ERMARD: variants seen among roughly 807,000 people sequenced by gnomAD.
ERMARD encodes the protein ER membrane associated RNA degradation.
A neutral mutation model predicts 83.9 loss-of-function variants in ERMARD; 71 were observed. The ratio of observed to expected loss-of-function variants is 0.85; its 90% CI spans 0.70 to 1.03. The LOEUF is 1.03. ERMARD is among the 50% of genes least tolerant of loss of function. The pLI is 0.00. For missense variants in ERMARD, 838 were observed against 810.9 expected (o/e 1.03, Z -0.41); for synonymous variants, 284 against 298.6 (o/e 0.95, Z 0.50).
chr6:169,754,802 C>A (rs941353814), intron 2 of ERMARD, among the ~76,000 whole-genome samples: 3 of 151,736 alleles, frequency 2.0e-5, no homozygotes, highest in Non-Finnish European at 4.4e-5. Context: ...CCAAACTTAT[C>A]AAAAAAAATT....
At chr6:169,761,872 G>A (rs551946974) in intron 8 of ERMARD, among the ~76,000 whole-genome samples, 8 of 152,082 alleles carry the variant, frequency 5.3e-5, no homozygotes, top group East Asian at 3.9e-4. Context: ...TAGTAGAGAC[G>A]GGGTTTCGTC....
rs930515684 is a variant in ERMARD at position 169,775,297 on chromosome 6, G to A, written c.1345G>A (p.Val449Ile). 3.7e-6 allele frequency: 6 copies of A among 1,614,120 alleles called. No individual in the cohort carries two copies. The South Asian group carries it at 5.5e-5, about 15-fold the overall frequency. Residue 449 changes from valine (V) to isoleucine (I), a missense_variant, in exon 14 of 18, where the codon GTT (valine) becomes ATT (isoleucine). Transcript: ENST00000366773. ...GCTGAGCTGTGAGGAGAGCATCAGG[G>A]TTTGGGCTCTGCTGCCTTTCCCCGA... ...QVLSCEESIR[V>I]WALLPFPEEL...
upstream of ERMARD, chr6:169,751,467 G>A (rs1056328289): frequency 1.4e-5 from 23 of 1,613,294 alleles, no homozygotes; most frequent in Non-Finnish European, 1.9e-5. Flanking sequence ...ATCTCGCTCT[G>A]TTCTCCAAGA....
At chr6:169,776,362 G>A in intron 15 of ERMARD, 93 bp from the exon 16 acceptor site, 1 of 1,556,960 alleles carries the variant, frequency 6.4e-7, no homozygotes, top group South Asian at 1.2e-5. Context: ...GCTAGCCCTG[G>A]CTCCCAGAAA....
rs780956352 is a variant in ERMARD, at chr6:169,781,525, T to C, written c.*12T>C. ...AAGTACTCTTATGAAAACTTGTAAG[T>C]CAGGATGCTTTTAATTTTAACAGAT... is the stretch of plus-strand genomic sequence containing the variant. On this transcript the variant is annotated 3_prime_UTR_variant, in exon 18 of 18. Transcript: ENST00000366773. The C allele has an allele frequency of 1.3e-6, 2 of 1,575,870 alleles. No individual in the cohort carries two copies. The highest frequency in any genetic ancestry group is 1.2e-5 in the South Asian group (1 of 84,620).
chr6:169,751,681 C>T lies in ERMARD; in HGVS notation c.6+18C>T, dbSNP rs369889824. 6.6e-5 allele frequency: 102 copies of T among 1,550,072 alleles called. No individual in the cohort carries two copies. The African/African-American group carries it at 9.8e-4, about 15-fold the overall frequency. On this transcript the variant is annotated intron_variant, in intron 1 of 17. Coordinates refer to ENST00000366773, the MANE Select transcript of ERMARD (RefSeq NM_018341.3). ...TTATGGAGGTAGGGCGGGTGTAGGG[C>T]CCGGTTCGATCCCGAGCTAGGCAGG... is the stretch of plus-strand genomic sequence containing the variant.
chr6:169,774,159 C>A (rs910601380), intron 13 of ERMARD, among the ~76,000 whole-genome samples: 5 of 152,186 alleles, frequency 3.3e-5, no homozygotes, highest in African/African-American at 1.2e-4. Flanking sequence ...CACAGTGAAA[C>A]CCCATCTCTA....
rs142757016 is a variant in ERMARD at position 169,765,144 on chromosome 6, G to A, written c.961-1494G>A. 9.4e-3 allele frequency among the ~76,000 whole-genome samples: 1,428 copies of A among 152,332 alleles called. 17 individuals carry two copies. The highest frequency in any genetic ancestry group is 0.032 in the African/African-American group (1,328 of 41,584). ...ATACCTGCATGGGGATTGGCTGCAC[G>A]GTGGCACGCACCATCACTGTAGGGC... On this transcript the variant is annotated intron_variant, in intron 9 of 17. Transcript: ENST00000366773.
At chr6:169,760,052 C>T (rs1791337914) in intron 7 of ERMARD, 78 bp downstream of exon 7, 7 of 1,588,708 alleles carry the variant, frequency 4.4e-6, no homozygotes, top group Admixed American at 1.7e-5. Context: ...TTAAGAGGTG[C>T]ACTCTTGAGG....
chr6:169,760,028 GTCAGTAAACAGCAT>G, intron 7 of ERMARD, 54 bp downstream of exon 7: 1 of 1,609,058 alleles, frequency 6.2e-7, no homozygotes, highest in South Asian at 1.1e-5. Flanking sequence ...TATTTGCAAA[GTCAGTAAACAGCAT>G]TAAGAGGTGC....
chr6:169,769,973 T>C (rs1448730060), intron 12 of ERMARD, among the ~76,000 whole-genome samples: 6 of 152,162 alleles, frequency 3.9e-5, no homozygotes, highest in East Asian at 1.9e-4. Context: ...CAGCTAAGTA[T>C]TGAAAAGGAA....
In ERMARD at chr6:169,769,680, A is replaced by T. The variant is rs139634957; in HGVS notation, c.1200A>T (p.Arg400Ser). ...CATTTTCTCTTGTACTGCTACTCAG[A>T]TTCGTTGATGACTGTCTGCTATCAG... Reference protein sequence around the residue: ...LLAFSLVLLLRFVDDCLLSVF... With the variant: ...LLAFSLVLLLSFVDDCLLSVF... The change falls in exon 12 of 18, where the codon AGA becomes AGT. Residue 400 changes from arginine (R) to serine (S), a missense_variant. Coordinates refer to ENST00000366773, the MANE Select transcript of ERMARD (RefSeq NM_018341.3). 349 of 1,609,984 alleles carry T rather than the reference A, an allele frequency of 2.2e-4. No individual in the cohort carries two copies. Among genetic ancestry groups the T allele is most frequent in the Non-Finnish European group, 2.7e-4 (313 of 1,178,330 alleles).
upstream of ERMARD, chr6:169,751,445 C>CCTCGCTTCTCCAT: frequency 6.2e-7 from 1 of 1,614,052 alleles, no homozygotes; most frequent in Non-Finnish European, 8.5e-7. Context: ...CACGCCTCGG[C>CCTCGCTTCTCCAT]CTCGCTTCTC....
intron 8 of ERMARD, among the ~76,000 whole-genome samples, chr6:169,761,865 T>C (rs1329732439): frequency 1.3e-5 from 2 of 152,030 alleles, no homozygotes; most frequent in African/African-American, 4.8e-5. Context: ...GTATTTTTAG[T>C]AGAGACGGGG....
At chr6:169,761,263 C>G (rs2128346981) in intron 8 of ERMARD, among the ~76,000 whole-genome samples, 1 of 152,354 alleles carries the variant, frequency 6.6e-6, no homozygotes, top group South Asian at 2.1e-4. Context: ...GTCCTCCAGG[C>G]TGAAGTGCAT....
In ERMARD at chr6:169,761,972, T is replaced by G. The variant is rs186040720; in HGVS notation, c.858-457T>G. Reference sequence around the variant, plus strand: ...TGCTGGGATTACAGGCTTGAGCCACTGCGCCCAGCTGGTTCTGTTTTGCTT... The same window carrying G: ...TGCTGGGATTACAGGCTTGAGCCACGGCGCCCAGCTGGTTCTGTTTTGCTT... On this transcript the variant is annotated intron_variant, in intron 8 of 17. Transcript: ENST00000366773. 7.2e-3 allele frequency among the ~76,000 whole-genome samples: 1,098 copies of G among 152,260 alleles called. 6 individuals carry two copies. Among genetic ancestry groups the G allele is most frequent in the Non-Finnish European group, 0.013 (863 of 68,000 alleles).
chr6:169,774,003 C>G (rs553766836), intron 13 of ERMARD, among the ~76,000 whole-genome samples: 1 of 152,200 alleles, frequency 6.6e-6, no homozygotes, highest in South Asian at 2.1e-4. Context: ...AATCAACACA[C>G]GGCGGGTCAG....
chr6:169,753,731 C>CA, intron 1 of ERMARD, 133 bp from the exon 2 acceptor site: 1 of 556,224 alleles, frequency 1.8e-6, no homozygotes, highest in South Asian at 4.3e-5. Context: ...ATACAGCTCT[C>CA]ACGATATCCA....
chr6:169,773,413 T>C lies in ERMARD; in HGVS notation c.1317+11T>C, dbSNP rs572060655. ...CAGCTTAAAAAACAGGTATGCCAAA[T>C]GCAGGGTCCCGGGAGGGGCGTGTAT... is the stretch of plus-strand genomic sequence containing the variant. On this transcript the variant is annotated intron_variant, in intron 13 of 17. Coordinates refer to ENST00000366773, the MANE Select transcript of ERMARD (RefSeq NM_018341.3). The C allele has an allele frequency of 1.4e-5, 22 of 1,614,018 alleles. No homozygotes were observed. The South Asian group carries it at 2.2e-4, about 16-fold the overall frequency.
Sources: allele counts gnomAD v4.1 joint callset (sites outside exome capture counted in the v4.1 genomes callset), GRCh38; gene constraint gnomAD v4.1.1; transcripts MANE v1.5; gene names NCBI Gene and HGNC (gene_info 2026-07-23, HGNC 2026-07-21).